SOS1: variants seen among roughly 807,000 people sequenced by gnomAD.
SOS1 encodes son of sevenless homolog 1.
SOS1 carries 25 observed loss-of-function variants against 157.6 expected under a neutral mutation model. The ratio of observed to expected loss-of-function variants is 0.16; its 90% CI spans 0.12 to 0.22. The LOEUF is 0.22. Among genes scored for constraint, SOS1 ranks in the 10% least tolerant of loss-of-function variants. The probability of loss-of-function intolerance (pLI) is 1.00; values close to 1 mark genes in which losing one functional copy is unlikely to be tolerated. For missense variants in SOS1, 1,237 were observed against 1,599.1 expected, an observed-to-expected ratio of 0.77 and a Z score of 3.86; for synonymous variants, 528 against 534.0, an observed-to-expected ratio of 0.99 and a Z score of 0.16.
intron 19 of SOS1, 66 bp from the exon 20 acceptor site, chr2:38,995,453 T>A: frequency 7.8e-7 from 1 of 1,287,500 alleles, no homozygotes; most frequent in Non-Finnish European, 1.1e-6. Flanking sequence ...TTTTTCTATA[T>A]GTGCCTGGTA....
chr2:38,996,754 ACATT>A (rs1306610358), intron 19 of SOS1, among the ~76,000 whole-genome samples, 164 bp downstream of exon 19: 9 of 152,192 alleles, frequency 5.9e-5, no homozygotes, highest in Non-Finnish European at 1.2e-4. Flanking sequence ...ATTAATACTA[ACATT>A]CATTTATTTG....
Position 38,984,656 on chromosome 2 carries a change from T to C in SOS1, c.*1168A>G, listed in dbSNP as rs1668500145. On this transcript the variant is annotated 3_prime_UTR_variant, in exon 23 of 23. Coordinates refer to ENST00000402219, the MANE Select transcript of SOS1 (RefSeq NM_005633.4). ...AAACGTGCTTTTATGTTTAGTGTTT[T>C]TGTGTGTTTTTCAACTAAAAGAAAT... The C allele has an allele frequency of 1.3e-5, 2 of 152,182 alleles. No individual in the cohort carries two copies. Among genetic ancestry groups the C allele is most frequent in the African/African-American group, 4.8e-5 (2 of 41,444 alleles). The allele number at this position is 152,182 out of a possible 1,614,324, so 9.4% of individuals were successfully genotyped here. A position where few individuals can be genotyped will look rare whatever the true frequency, so the allele number is the denominator to read the frequency against.
chr2:39,016,531 T>C (rs1330963885), intron 10 of SOS1, among the ~76,000 whole-genome samples: 1 of 152,058 alleles, frequency 6.6e-6, no homozygotes, highest in African/African-American at 2.4e-5. Context: ...CTTTCAAGAA[T>C]CTTCTTCCTG....
At chr2:39,025,621 A>G (rs1454667934) in intron 8 of SOS1, among the ~76,000 whole-genome samples, 3 of 152,026 alleles carry the variant, frequency 2.0e-5, no homozygotes, top group Non-Finnish European at 4.4e-5. Context: ...CGGCCTCCCA[A>G]AGTGCTGGGA....
At chr2:39,003,068 A>AAAAAACAACAAC (rs1553352647) in intron 17 of SOS1, among the ~76,000 whole-genome samples, 1 of 115,032 alleles carries the variant, frequency 8.7e-6, no homozygotes, top group Non-Finnish European at 2.0e-5. Context: ...CCTTGTATCA[A>AAAAAACAACAAC]AAAAAAAAAA....
intron 6 of SOS1, among the ~76,000 whole-genome samples, chr2:39,044,175 G>A (rs1049387974): frequency 2.0e-5 from 3 of 152,118 alleles, no homozygotes; most frequent in African/African-American, 4.8e-5. Flanking sequence ...TAGCCATCAT[G>A]GCAAAACCCT....
intron 1 of SOS1, among the ~76,000 whole-genome samples, chr2:39,093,959 C>T (rs1455187030): frequency 6.6e-6 from 1 of 152,146 alleles, no homozygotes. Context: ...TCTGAAAAAG[C>T]TGTTACATAC....
chr2:39,024,025 G>C lies in SOS1; in HGVS notation c.1187C>G (p.Ala396Gly). ...GMEKICSKSL[A>G]KRRLSESACR... Reference sequence around the variant, plus strand: ...AAATATTCACCTCAGTCTTCGTTTTGCAAGACTTTTAGAACATATTTTTTC... The same window carrying C: ...AAATATTCACCTCAGTCTTCGTTTTCCAAGACTTTTAGAACATATTTTTTC... The change falls in exon 9 of 23, where the codon GCA becomes GGA. Residue 396 changes from alanine (A) to glycine (G), a missense_variant. Physicochemically the swap from Ala to Gly is moderately conservative, Grantham distance 60 (BLOSUM62 0). Around this residue, in one of 15 missense-constraint regions of SOS1, gnomAD observed 101 missense variants for 171.5 expected, o/e 0.59. Coordinates refer to ENST00000402219, the MANE Select transcript of SOS1 (RefSeq NM_005633.4). 1 of 1,599,870 alleles carries C rather than the reference G, an allele frequency of 6.3e-7. No individual in the cohort carries two copies.
At chr2:38,987,867 A>G (rs1447179169) in intron 21 of SOS1, 2 of 369,694 alleles carry the variant, frequency 5.4e-6, no homozygotes, top group African/African-American at 4.2e-5. Context: ...TCTATTATTG[A>G]AATTTTTAAT....
chr2:39,040,574 T>TA (rs1478054891), intron 6 of SOS1, among the ~76,000 whole-genome samples: 3 of 152,188 alleles, frequency 2.0e-5, no homozygotes, highest in African/African-American at 7.2e-5. Flanking sequence ...AGTGGAAACA[T>TA]ACAATATTGT....
chr2:39,122,447 TAC>T (rs70954783), upstream of SOS1, among the ~76,000 whole-genome samples: 114,287 of 142,018 alleles, frequency 0.8, 47,972 homozygotes, highest in South Asian at 0.93. Flanking sequence ...AAAAAAAATA[TAC>T]ACACACACAC....
intron 17 of SOS1, among the ~76,000 whole-genome samples, chr2:39,003,070 A>ACAAAAACAAAAC (rs1553352665): frequency 2.6e-4 from 25 of 96,316 alleles, no homozygotes; most frequent in Middle Eastern, 0.01. Context: ...TTGTATCAAA[A>ACAAAAACAAAAC]AAAAAAAAGA....
At chr2:39,002,957 TG>T (rs1218585457) in intron 17 of SOS1, among the ~76,000 whole-genome samples, 1 of 151,258 alleles carries the variant, frequency 6.6e-6, no homozygotes, top group Non-Finnish European at 1.5e-5. Flanking sequence ...TCCTCCTACT[TG>T]GGGGATTGAG....
chr2:38,999,880 AGGAT>A (rs1669032081), intron 17 of SOS1, among the ~76,000 whole-genome samples: 1 of 152,192 alleles, frequency 6.6e-6, no homozygotes, highest in Non-Finnish European at 1.5e-5. Flanking sequence ...GGGAATTAGA[AGGAT>A]TTTGTTTGCA....
At chr2:39,054,140 G>C (rs957029341) in intron 5 of SOS1, among the ~76,000 whole-genome samples, 3 of 152,178 alleles carry the variant, frequency 2.0e-5, no homozygotes, top group Non-Finnish European at 4.4e-5. Flanking sequence ...TGTTAGCCAG[G>C]ATGGTCTCCA....
intron 1 of SOS1, among the ~76,000 whole-genome samples, chr2:39,109,408 C>T (rs1346949789): frequency 1.3e-5 from 2 of 151,688 alleles, no homozygotes; most frequent in African/African-American, 4.8e-5. Flanking sequence ...CCCTTTTTTT[C>T]CAAATGAAAT....
chr2:39,118,853 G>A (rs1004492674), intron 1 of SOS1, among the ~76,000 whole-genome samples: 1 of 152,182 alleles, frequency 6.6e-6, no homozygotes, highest in Non-Finnish European at 1.5e-5. Flanking sequence ...CCACCAGTGT[G>A]GCAGAATTAA....
At chr2:39,050,000 T>C (rs1289669291) in intron 6 of SOS1, among the ~76,000 whole-genome samples, 2 of 152,232 alleles carry the variant, frequency 1.3e-5, no homozygotes, top group African/African-American at 2.4e-5. Context: ...CTACCTTGAA[T>C]GTCTATTCCA....
intron 1 of SOS1, among the ~76,000 whole-genome samples, chr2:39,085,740 A>C (rs1672346320): frequency 6.6e-6 from 1 of 152,214 alleles, no homozygotes; most frequent in East Asian, 1.9e-4. Flanking sequence ...GTCATCTGTG[A>C]ATTCCACCTA....
Sources: gnomAD v4.1 joint callset for allele counts (sites outside exome capture counted in the v4.1 genomes callset) on GRCh38, gnomAD v4.1.1 for gene constraint, gnomAD v4.1.1 regional missense constraint, MANE v1.5 for transcripts, NCBI Gene and HGNC (gene_info 2026-07-23, HGNC 2026-07-21) for gene names.